The following PKP4 variants were observed in gnomAD, a reference collection of about 807,000 sequenced individuals.
PKP4 encodes the protein plakophilin 4.
In PKP4, 90 loss-of-function variants were observed where a neutral mutation model predicts 145.1. That is an observed-to-expected ratio of 0.62 (90% CI 0.52 to 0.74). PKP4 has a LOEUF of 0.74. PKP4 is among the 30% of genes least tolerant of loss of function. The pLI, the probability that PKP4 is intolerant of heterozygous loss-of-function variation, is 0.00. For synonymous variants in PKP4, 563 were observed against 577.2 expected (o/e 0.98, Z 0.35); for missense variants, 1,340 against 1,482.7 (o/e 0.90, Z 1.58).
chr2:158,475,789 C>T (rs1262316469), intron 1 of PKP4, among the ~76,000 whole-genome samples: 4 of 152,278 alleles, frequency 2.6e-5, no homozygotes, highest in Admixed American at 6.5e-5. Context: ...GACTTCCCTG[C>T]CCTATCTCCC....
intron 2 of PKP4, among the ~76,000 whole-genome samples, chr2:158,565,394 A>G (rs539860972): frequency 2.0e-5 from 3 of 149,930 alleles, no homozygotes; most frequent in South Asian, 4.3e-4. Context: ...TGAACAACGT[A>G]TATATTCAAA....
chr2:158,523,695 G>T (rs1274153085), intron 1 of PKP4, among the ~76,000 whole-genome samples: 1 of 132,684 alleles, frequency 7.5e-6, no homozygotes, highest in East Asian at 2.1e-4. Flanking sequence ...AGCTACGGGA[G>T]GACATTCAAA....
intron 1 of PKP4, among the ~76,000 whole-genome samples, chr2:158,477,263 G>T (rs748897218): frequency 8.3e-5 from 4 of 48,194 alleles, no homozygotes; most frequent in Non-Finnish European, 1.8e-4. Flanking sequence ...TTGAGATCTG[G>T]AGACATGGTC....
chr2:158,484,898 A>T (rs1693948036), intron 1 of PKP4, among the ~76,000 whole-genome samples: 1 of 152,238 alleles, frequency 6.6e-6, no homozygotes, highest in South Asian at 2.1e-4. Context: ...AAAGCTTTGC[A>T]GGTGACAATC....
At chr2:158,511,888 GA>G (rs922445430) in intron 1 of PKP4, among the ~76,000 whole-genome samples, 37 of 148,310 alleles carry the variant, frequency 2.5e-4, no homozygotes, top group South Asian at 2.1e-3. Context: ...GGGTGTTTAA[GA>G]AAAAAAAAAT....
chr2:158,465,241 G>T (rs1184865581), intron 1 of PKP4, among the ~76,000 whole-genome samples: 3 of 152,202 alleles, frequency 2.0e-5, no homozygotes, highest in Admixed American at 2.0e-4. Context: ...TAACTAGGTT[G>T]TAGCTCATAC....
chr2:158,500,147 TTACTC>T (rs1277519811), intron 1 of PKP4, among the ~76,000 whole-genome samples: 2 of 152,214 alleles, frequency 1.3e-5, no homozygotes, highest in African/African-American at 4.8e-5. Flanking sequence ...TTGTTTCTAA[TTACTC>T]TATTTTTACT....
chr2:158,636,584 T>A (rs1292525990), intron 9 of PKP4, among the ~76,000 whole-genome samples: 1 of 152,190 alleles, frequency 6.6e-6, no homozygotes, highest in African/African-American at 2.4e-5. Context: ...TTTTCAGCCA[T>A]TAATTCTTTA....
At chr2:158,674,032 A>C (rs1325876410) in intron 19 of PKP4, 32 bp downstream of exon 19, 1 of 1,170,730 alleles carries the variant, frequency 8.5e-7, no homozygotes, top group Non-Finnish European at 1.3e-6. Flanking sequence ...CTTGGCGAGA[A>C]CCTTTGTGTG....
rs186432867 is a variant in PKP4 at position 158,644,808 on chromosome 2, G to C, written c.1909+2109G>C. Among the ~76,000 whole-genome samples, 427 of 152,318 alleles carry C rather than the reference G, an allele frequency of 2.8e-3. 2 individuals carry two copies. The highest frequency in any genetic ancestry group is 0.01 in the African/African-American group (417 of 41,576). On this transcript the variant is annotated intron_variant, in intron 11 of 21. Transcript: ENST00000389759. ...TGTATTCCACCTCTGTTTCTTTAGA[G>C]AACTCTGAAATACATAAGACAAAAT... is the stretch of plus-strand genomic sequence containing the variant.
chr2:158,568,966 CTT>C (rs889839708), intron 2 of PKP4, among the ~76,000 whole-genome samples: 5 of 152,064 alleles, frequency 3.3e-5, no homozygotes, highest in African/African-American at 9.7e-5. Context: ...GAGTGAGAAT[CTT>C]TCTCCAAAAA....
intron 1 of PKP4, among the ~76,000 whole-genome samples, chr2:158,502,547 C>G (rs1474090991): frequency 1.3e-5 from 2 of 152,200 alleles, no homozygotes; most frequent in African/African-American, 4.8e-5. Context: ...CTTCTCATCA[C>G]CCCTCACCTT....
chr2:158,522,665 TC>T (rs2042493176), intron 1 of PKP4, among the ~76,000 whole-genome samples: 3 of 152,092 alleles, frequency 2.0e-5, no homozygotes, highest in African/African-American at 7.2e-5. Flanking sequence ...GGTCTACAGC[TC>T]CCAGCGTGAG....
chr2:158,553,742 A>G (rs1229100169), intron 2 of PKP4, among the ~76,000 whole-genome samples: 3 of 151,910 alleles, frequency 2.0e-5, no homozygotes, highest in African/African-American at 2.4e-5. Flanking sequence ...CATAACTATT[A>G]TCCTATGTCT....
At chr2:158,569,140 G>T (rs1334097631) in intron 2 of PKP4, among the ~76,000 whole-genome samples, 1 of 152,166 alleles carries the variant, frequency 6.6e-6, no homozygotes, top group East Asian at 1.9e-4. Flanking sequence ...TAATAGAGGA[G>T]CTAAGTTACA....
At chr2:158,626,052 T>G (rs1044970035) in intron 7 of PKP4, among the ~76,000 whole-genome samples, 16 of 152,202 alleles carry the variant, frequency 1.1e-4, no homozygotes, top group Middle Eastern at 3.2e-3. Flanking sequence ...GGTGTAAAGA[T>G]TTGGTTATTT....
intron 4 of PKP4, among the ~76,000 whole-genome samples, chr2:158,605,261 G>A (rs1275364688): frequency 1.3e-5 from 2 of 152,138 alleles, no homozygotes; most frequent in Non-Finnish European, 2.9e-5. Flanking sequence ...CAAATTCTAA[G>A]CTCTTGCAAA....
intron 1 of PKP4, among the ~76,000 whole-genome samples, chr2:158,489,104 C>T (rs566410359): frequency 6.6e-6 from 1 of 152,234 alleles, no homozygotes; most frequent in African/African-American, 2.4e-5. Flanking sequence ...CAATATTTTA[C>T]ATTTTGATAA....
chr2:158,639,379 G>A (rs1398937550), intron 9 of PKP4, among the ~76,000 whole-genome samples: 1 of 151,978 alleles, frequency 6.6e-6, no homozygotes, highest in African/African-American at 2.4e-5. Flanking sequence ...CACAGGTGTG[G>A]GATGACATGC....
Sources: gnomAD v4.1 joint callset for allele counts (sites outside exome capture counted in the v4.1 genomes callset) on GRCh38, gnomAD v4.1.1 for gene constraint, MANE v1.5 for transcripts, NCBI Gene and HGNC (gene_info 2026-07-23, HGNC 2026-07-21) for gene names.